Variants in VPS53 observed in about 807,000 individuals in gnomAD.
VPS53 encodes VPS53 subunit of GARP complex.
In VPS53, 70 loss-of-function variants were observed where a neutral mutation model predicts 107.0. The observed-to-expected ratio is 0.65, with a 90% CI of 0.54 to 0.80. The LOEUF is 0.80. Ranked by LOEUF, VPS53 falls within the 30% of genes least tolerant of loss-of-function variation. The pLI is 0.00. For synonymous variants in VPS53, 409 were observed against 393.3 expected, an observed-to-expected ratio of 1.04 and a Z score of -0.47; for missense variants, 917 against 1,049.4, an observed-to-expected ratio of 0.87 and a Z score of 1.74.
chr17:598,223 G>A (rs1968084547), intron 12 of VPS53, among the ~76,000 whole-genome samples: 1 of 152,176 alleles, frequency 6.6e-6, no homozygotes, highest in East Asian at 1.9e-4. Flanking sequence ...TCGGCCTCCC[G>A]AGGTGCCGGG....
chr17:689,852 G>A (rs1311846624), intron 4 of VPS53, among the ~76,000 whole-genome samples: 2 of 152,120 alleles, frequency 1.3e-5, no homozygotes, highest in African/African-American at 4.8e-5. Flanking sequence ...TCCTTGGAAG[G>A]CAATGTACTT....
chr17:600,312 C>CTCTGCAA (rs1968270587), intron 12 of VPS53, among the ~76,000 whole-genome samples: 1 of 152,196 alleles, frequency 6.6e-6, no homozygotes, highest in Non-Finnish European at 1.5e-5. Context: ...CGTGAGACAT[C>CTCTGCAA]AGGGCTCTGC....
intron 12 of VPS53, among the ~76,000 whole-genome samples, chr17:590,870 T>A (rs1597350761): frequency 6.6e-6 from 1 of 151,932 alleles, no homozygotes; most frequent in South Asian, 2.1e-4. Context: ...CCGGCTTTGG[T>A]ATCAGGATGA....
Position 710,570 on chromosome 17 carries a change from G to C in VPS53, c.131C>G (p.Ala44Gly), listed in dbSNP as rs1973600652. The change falls in exon 2 of 22, where the codon GCT (alanine) becomes GGT (glycine). Residue 44 changes from alanine to glycine, a missense_variant. Coordinates refer to ENST00000437048, the MANE Select transcript of VPS53 (RefSeq NM_001128159.3). ...GAACAGGGTATTGATATACTCAACAGCATTGAAATCTGCTCGATCTAGAGG... is the reference window on the plus strand; with the variant it reads ...GAACAGGGTATTGATATACTCAACACCATTGAAATCTGCTCGATCTAGAGG... ...QDPLDRADFN[A>G]VEYINTLFPT... The C allele has an allele frequency of 6.2e-7, 1 of 1,613,926 alleles. No individual in the cohort carries two copies. The highest frequency in any genetic ancestry group is 1.3e-5 in the African/African-American group (1 of 74,884).
intron 11 of VPS53, among the ~76,000 whole-genome samples, chr17:609,793 G>C (rs1040976532): frequency 2.0e-5 from 3 of 152,128 alleles, no homozygotes; most frequent in African/African-American, 7.2e-5. Flanking sequence ...GGAGAGAAGA[G>C]AGAAGAGAAG....
chr17:640,667 T>C (rs186862032), intron 7 of VPS53, among the ~76,000 whole-genome samples: 136 of 152,014 alleles, frequency 8.9e-4, no homozygotes, highest in South Asian at 4.0e-3. Flanking sequence ...TTTGAATAGC[T>C]GTGAAATAAG....
chr17:550,717 G>A (rs928437743), intron 17 of VPS53, among the ~76,000 whole-genome samples: 2 of 152,036 alleles, frequency 1.3e-5, no homozygotes, highest in African/African-American at 4.8e-5. Context: ...GGGGGTGAAA[G>A]ACATGGTCTG....
intron 7 of VPS53, among the ~76,000 whole-genome samples, chr17:638,543 G>T (rs977207408): frequency 6.6e-6 from 1 of 152,216 alleles, no homozygotes; most frequent in African/African-American, 2.4e-5. Flanking sequence ...TGTTTTTGCA[G>T]TGGCTAGTAC....
intron 12 of VPS53, among the ~76,000 whole-genome samples, chr17:594,404 C>T (rs540711491): frequency 6.6e-6 from 1 of 152,378 alleles, no homozygotes; most frequent in Non-Finnish European, 1.5e-5. Context: ...GCACTCCTGC[C>T]TCAGCGAAAT....
intron 11 of VPS53, among the ~76,000 whole-genome samples, chr17:615,552 G>GA (rs1311457889): frequency 5.9e-5 from 9 of 152,198 alleles, no homozygotes; most frequent in African/African-American, 2.2e-4. Flanking sequence ...GGCAGCAAGG[G>GA]AGAGTCTCTG....
chr17:686,310 A>T (rs1486768166), intron 4 of VPS53, among the ~76,000 whole-genome samples: 1 of 152,148 alleles, frequency 6.6e-6, no homozygotes, highest in Non-Finnish European at 1.5e-5. Flanking sequence ...ACAGAGTGAG[A>T]CCCTGTCTCT....
At chr17:577,617 C>T (rs1022613598) in intron 13 of VPS53, among the ~76,000 whole-genome samples, 2 of 151,128 alleles carry the variant, frequency 1.3e-5, no homozygotes, top group African/African-American at 2.4e-5. Flanking sequence ...CCTTTAGGAC[C>T]TCAATGCGTT....
At chr17:644,712 T>C (rs1015186589) in intron 7 of VPS53, among the ~76,000 whole-genome samples, 1 of 151,988 alleles carries the variant, frequency 6.6e-6, no homozygotes, top group African/African-American at 2.4e-5. Flanking sequence ...GCCTCCCAAG[T>C]AACTGGAACC....
intron 4 of VPS53, among the ~76,000 whole-genome samples, chr17:662,891 A>AGGCAGGCAGGC (rs1971531022): frequency 1.7e-4 from 23 of 137,542 alleles, no homozygotes; most frequent in African/African-American, 5.4e-4. Context: ...GGAAGGAAGG[A>AGGCAGGCAGGC]AGGCAGGCAG....
rs760291746 is a variant in VPS53 at position 697,460 on chromosome 17, A to G, written c.243T>C (p.Thr81=). Residue 81 remains threonine (T), a synonymous_variant, in exon 4 of 22, where the codon ACT becomes ACC. Coordinates refer to ENST00000437048, the MANE Select transcript of VPS53 (RefSeq NM_001128159.3). ...CCACGTTCGTCTGACCTCTTACAAC[A>G]GTTCGAATATTGTCATCCAGTCTCC... ...KIRRLDDNIR[T]VVRGQTNVGQ... is the part of the protein sequence containing the mutation. 1 of 1,614,056 alleles carries G rather than the reference A, an allele frequency of 6.2e-7. No individual in the cohort carries two copies. The highest frequency in any genetic ancestry group is 1.7e-5 in the Admixed American group (1 of 60,030).
At chr17:711,452 G>C (rs901689101) in intron 1 of VPS53, among the ~76,000 whole-genome samples, 1 of 152,228 alleles carries the variant, frequency 6.6e-6, no homozygotes, top group African/African-American at 2.4e-5. Context: ...ACCACATCAA[G>C]AGGAGGTGGA....
intron 7 of VPS53, among the ~76,000 whole-genome samples, chr17:642,256 G>A (rs1237818226): frequency 6.6e-6 from 1 of 152,190 alleles, no homozygotes; most frequent in Non-Finnish European, 1.5e-5. Flanking sequence ...GACCCCATGA[G>A]ACACTTCTGA....
intron 7 of VPS53, among the ~76,000 whole-genome samples, chr17:639,559 G>A (rs1478361987): frequency 2.0e-5 from 3 of 152,092 alleles, no homozygotes; most frequent in Non-Finnish European, 4.4e-5. Context: ...TCTACCTTTG[G>A]TTTTTGATGA....
intron 4 of VPS53, among the ~76,000 whole-genome samples, chr17:670,122 A>G (rs1024863583): frequency 7.2e-5 from 11 of 152,298 alleles, no homozygotes; most frequent in Non-Finnish European, 1.6e-4. Context: ...CTATACACAC[A>G]CAGCCTGCAT....
Sources: allele counts gnomAD v4.1 joint callset (sites outside exome capture counted in the v4.1 genomes callset), GRCh38; gene constraint gnomAD v4.1.1; transcripts MANE v1.5; gene names NCBI Gene and HGNC (gene_info 2026-07-23, HGNC 2026-07-21).